Variants in ZNF485 observed in about 807,000 individuals in gnomAD.
ZNF485 encodes Zinc finger protein 93 (Zinc finger protein HTF34).
Under a neutral mutation model 10.8 loss-of-function variants are expected in ZNF485, and 9 were observed. The ratio of observed to expected loss-of-function variants is 0.83; its 90% CI spans 0.50 to 1.45. ZNF485 has a LOEUF of 1.45. ZNF485 is among the 40% of genes most tolerant of loss of function. ZNF485 has a pLI of 0.00. For synonymous variants in ZNF485, 187 were observed against 181.0 expected (o/e 1.03, Z -0.27); for missense variants, 487 against 528.0 (o/e 0.92, Z 0.76).
At chr10:43,607,158 C>T in intron 2 of ZNF485, 84 bp downstream of exon 2, 2 of 1,503,124 alleles carry the variant, frequency 1.3e-6, no homozygotes, top group African/African-American at 2.8e-5. Flanking sequence ...AATGCCCTGC[C>T]CTGTGTGTGG....
rs148355252 is a variant in ZNF485, at chr10:43,616,900, T to G, written c.857T>G (p.Leu286Trp). 8.1e-5 allele frequency: 131 copies of G among 1,613,992 alleles called. No homozygotes were observed. The highest frequency in any genetic ancestry group is 1.6e-4 in the Middle Eastern group (1 of 6,084). ...GRAFRDNSTV[L>W]EHQKIHTGEK... Reference sequence around the variant, plus strand: ...GCTTTCAGGGATAATTCAACTGTGTTGGAACATCAGAAAATCCATACTGGT... The same window carrying G: ...GCTTTCAGGGATAATTCAACTGTGTGGGAACATCAGAAAATCCATACTGGT... The change falls in exon 5 of 5, where the codon TTG becomes TGG. Residue 286 changes from leucine (L) to tryptophan (W), a missense_variant. Transcript: ENST00000361807.
intron 4 of ZNF485, among the ~76,000 whole-genome samples, chr10:43,615,601 C>T (rs775639239): frequency 6.6e-5 from 10 of 152,120 alleles, no homozygotes; most frequent in Non-Finnish European, 1.3e-4. Context: ...AGGGTTTTGC[C>T]ATGTTGGCCA....
At position 43,616,920 on chromosome 10, in the gene ZNF485, A is replaced by G. The variant is rs753936585; in HGVS notation, c.877A>G (p.Thr293Ala). The G allele has an allele frequency of 5.6e-6, 9 of 1,614,124 alleles. No individual in the cohort carries two copies. In the Admixed American group the frequency reaches 6.7e-5, roughly 12 times the overall value. The change falls in exon 5 of 5, where the codon ACT becomes GCT. Residue 293 changes from threonine (T) to alanine (A), a missense_variant. By Grantham distance (58) the Thr-to-Ala change is moderately conservative. Transcript: ENST00000361807. The part of the protein sequence containing the change: ...STVLEHQKIH[T>A]GEKPYQCNEC... ...TGTGTTGGAACATCAGAAAATCCAT[A>G]CTGGTGAGAAGCCATATCAGTGTAA...
chr10:43,609,600 T>G (rs1304556730), intron 4 of ZNF485, among the ~76,000 whole-genome samples: 2 of 152,218 alleles, frequency 1.3e-5, no homozygotes, highest in African/African-American at 4.8e-5. Context: ...CCTCAAGCTC[T>G]TTATGTGATT....
At position 43,617,208 on chromosome 10, in the gene ZNF485, A is replaced by T; in HGVS notation, c.1165A>T (p.Lys389Ter). Residue 389 changes from lysine (K) to a stop codon, truncating the protein, a stop_gained, in exon 5 of 5, where the codon AAA becomes TAA. Transcript: ENST00000361807. LOFTEE classifies it low-confidence loss of function (END_TRUNC). ...ACCCTATCACTGTAAGAAATGTGGG[A>T]AAGCCTTTCGGCACAGCTCAGGCCT... ...EKPYHCKKCG[K>*]AFRHSSGLVE... 1.2e-6 allele frequency: 2 copies of T among 1,614,266 alleles called. No homozygotes were observed. The highest frequency in any genetic ancestry group is 4.5e-5 in the East Asian group (2 of 44,890).
intron 4 of ZNF485, among the ~76,000 whole-genome samples, chr10:43,610,777 A>G (rs1194731528): frequency 6.6e-6 from 1 of 152,018 alleles, no homozygotes; most frequent in Non-Finnish European, 1.5e-5. Context: ...AGACATGCTT[A>G]TGGTACCACA....
chr10:43,611,278 G>A (rs1352941416), intron 4 of ZNF485, among the ~76,000 whole-genome samples: 1 of 151,738 alleles, frequency 6.6e-6, no homozygotes, highest in Non-Finnish European at 1.5e-5. Context: ...ATTTTGCCCA[G>A]GCTGGTCTGG....
intron 4 of ZNF485, among the ~76,000 whole-genome samples, chr10:43,609,885 A>G (rs990250612): frequency 4.6e-5 from 7 of 152,026 alleles, no homozygotes; most frequent in Non-Finnish European, 1.0e-4. Flanking sequence ...GAGTGTCGCT[A>G]TATTAGTCAC....
chr10:43,613,293 A>C (rs1007712049), intron 4 of ZNF485, among the ~76,000 whole-genome samples: 1 of 152,216 alleles, frequency 6.6e-6, no homozygotes, highest in South Asian at 2.1e-4. Context: ...AACTAACACT[A>C]TAGTTTATTT....
chr10:43,610,126 A>G (rs1000182789), intron 4 of ZNF485, among the ~76,000 whole-genome samples: 1 of 152,128 alleles, frequency 6.6e-6, no homozygotes, highest in Non-Finnish European at 1.5e-5. Flanking sequence ...TGGCAAACAC[A>G]TTGTTGGGGA....
rs374674882 is a variant in ZNF485 at position 43,617,258 on chromosome 10, T to G, written c.1215T>G (p.Thr405=). Residue 405 remains threonine (T), a synonymous_variant, in exon 5 of 5, where the codon ACT becomes ACG. Transcript: ENST00000361807. ...SGLVEHQRLH[T]GEKPYKCNEC... is the part of the protein sequence containing the mutation. The stretch of plus-strand genomic sequence containing the variant: ...TTGTTGAACATCAGAGACTCCATAC[T>G]GGGGAAAAACCTTATAAATGTAATG... 3 of 1,613,842 alleles carry G rather than the reference T, an allele frequency of 1.9e-6. No homozygotes were observed. Among genetic ancestry groups the G allele is most frequent in the African/African-American group, 1.3e-5 (1 of 74,908 alleles).
At position 43,617,745 on chromosome 10, in the gene ZNF485, C is replaced by G; in HGVS notation, c.*376C>G. The stretch of plus-strand genomic sequence containing the variant: ...AATAGCCACTGCACTCCAGCCTGGG[C>G]AACATAGCAAGACTCCATCTCTAAG... On this transcript the variant is annotated 3_prime_UTR_variant, in exon 5 of 5. Coordinates refer to ENST00000361807, the MANE Select transcript of ZNF485 (RefSeq NM_145312.4). The G allele has an allele frequency of 5.9e-6, 1 of 169,388 alleles. No individual in the cohort carries two copies. The highest frequency in any genetic ancestry group is 1.3e-5 in the Non-Finnish European group (1 of 78,720). 10.5% of individuals were successfully genotyped at this position (169,388 alleles called of 1,614,324 possible).
chr10:43,615,786 A>G (rs1838846882), intron 4 of ZNF485, among the ~76,000 whole-genome samples: 1 of 151,950 alleles, frequency 6.6e-6, no homozygotes, highest in Non-Finnish European at 1.5e-5. Context: ...TTCCTTGAAT[A>G]TTTTTTCTGT....
rs745518209 is a variant in ZNF485 at position 43,609,368 on chromosome 10, A to G, written c.247+18A>G. The G allele has an allele frequency of 6.2e-7, 1 of 1,603,220 alleles. No homozygotes were observed. Among genetic ancestry groups the G allele is most frequent in the Non-Finnish European group, 8.5e-7 (1 of 1,170,462 alleles). On this transcript the variant is annotated intron_variant, in intron 4 of 4. Coordinates refer to ENST00000361807, the MANE Select transcript of ZNF485 (RefSeq NM_145312.4). ...ACATGCAGGTGAGTGGGTGGGGAACATCCCAGCAGAAGCTGAGCACACGGA... is the reference window on the plus strand; with the variant it reads ...ACATGCAGGTGAGTGGGTGGGGAACGTCCCAGCAGAAGCTGAGCACACGGA...
Position 43,617,279 on chromosome 10 carries a change from T to G in ZNF485, c.1236T>G (p.Cys412Trp). 1 of 1,611,336 alleles carries G rather than the reference T, an allele frequency of 6.2e-7. No homozygotes were observed. The highest frequency in any genetic ancestry group is 8.5e-7 in the Non-Finnish European group (1 of 1,178,744). ...ATACTGGGGAAAAACCTTATAAATGTAATGAATGTGGGAAAGCTTTTCCCC... is the reference window on the plus strand; with the variant it reads ...ATACTGGGGAAAAACCTTATAAATGGAATGAATGTGGGAAAGCTTTTCCCC... ...RLHTGEKPYK[C>W]NECGKAFPRS... is the part of the protein sequence containing the mutation. Residue 412 changes from cysteine (C) to tryptophan (W), a missense_variant, in exon 5 of 5, where the codon TGT (cysteine) becomes TGG (tryptophan). Transcript: ENST00000361807.
rs1207722355 is a variant in ZNF485, at chr10:43,608,752, T to C, written c.151+12T>C. 1.2e-6 allele frequency: 2 copies of C among 1,613,462 alleles called. No individual in the cohort carries two copies. Among genetic ancestry groups the C allele is most frequent in the Non-Finnish European group, 1.7e-6 (2 of 1,179,628 alleles). On this transcript the variant is annotated intron_variant, in intron 3 of 4. Coordinates refer to ENST00000361807, the MANE Select transcript of ZNF485 (RefSeq NM_145312.4). Reference sequence around the variant, plus strand: ...TCTGGTGTCTGTGGGTGAGGATGGCTTTCTCCTTGACTCAGGATTGGTCTG... The same window carrying C: ...TCTGGTGTCTGTGGGTGAGGATGGCCTTCTCCTTGACTCAGGATTGGTCTG...
At chr10:43,607,912 C>T (rs1348910330) in intron 2 of ZNF485, among the ~76,000 whole-genome samples, 1 of 152,138 alleles carries the variant, frequency 6.6e-6, no homozygotes, top group Admixed American at 6.5e-5. Context: ...CTCTCTGAAC[C>T]TTTGTGTCTT....
chr10:43,614,740 G>A (rs553046026), intron 4 of ZNF485, among the ~76,000 whole-genome samples: 45 of 150,224 alleles, frequency 3.0e-4, no homozygotes, highest in Non-Finnish European at 3.3e-4. Flanking sequence ...TTCTTTTCCC[G>A]AGATCATGAA....
rs369117181 is a variant in ZNF485, at chr10:43,607,842, G to A, written c.24+768G>A. Among the ~76,000 whole-genome samples the A allele has an allele frequency of 6.6e-5, 10 of 151,772 alleles. No individual in the cohort carries two copies. In the East Asian group the frequency reaches 1.6e-3, roughly 24 times the overall value. On this transcript the variant is annotated intron_variant, in intron 2 of 4. Coordinates refer to ENST00000361807, the MANE Select transcript of ZNF485 (RefSeq NM_145312.4). ...TGTTCTAGTTTCATTACCACTTTTT[G>A]TGGCTTCCTTTTATACTGTGCCTTC...
Sources: gnomAD v4.1 joint callset for allele counts (sites outside exome capture counted in the v4.1 genomes callset) on GRCh38, gnomAD v4.1.1 for gene constraint, MANE v1.5 for transcripts, NCBI Gene and HGNC (gene_info 2026-07-23, HGNC 2026-07-21) for gene names.